Variants in GOLGA4 observed in about 807,000 individuals in gnomAD.
GOLGA4 encodes golgin A4, also known as golgin subfamily A member 4.
GOLGA4 carries 169 observed loss-of-function variants against 265.9 expected under a neutral mutation model. The observed-to-expected ratio is 0.64, with a 90% CI of 0.56 to 0.72. The LOEUF (loss-of-function observed/expected upper bound fraction) is 0.72, where lower values mean the gene tolerates loss of function less well. GOLGA4 is among the 30% of genes least tolerant of loss of function. GOLGA4 has a pLI of 0.00. For missense variants in GOLGA4, 2,482 were observed against 2,483.4 expected, an observed-to-expected ratio of 1.00 and a Z score of 0.01; for synonymous variants, 923 against 855.8, an observed-to-expected ratio of 1.08 and a Z score of -1.37.
chr3:37,286,202 G>A (rs984241590), intron 4 of GOLGA4, 141 bp downstream of exon 4: 3 of 463,968 alleles, frequency 6.5e-6, no homozygotes, highest in South Asian at 6.2e-5. Context: ...GCTGGACTGC[G>A]GACTGCAGTG....
chr3:37,276,773 T>C (rs917366441), intron 2 of GOLGA4, among the ~76,000 whole-genome samples: 1 of 152,244 alleles, frequency 6.6e-6, no homozygotes, highest in African/African-American at 2.4e-5. Flanking sequence ...TTCAGATCAG[T>C]AGGGAGACCA....
chr3:37,276,186 A>G (rs2096817923), intron 2 of GOLGA4: 2 of 1,585,996 alleles, frequency 1.3e-6, no homozygotes, highest in Non-Finnish European at 1.7e-6. Flanking sequence ...GGAGCTGATG[A>G]GGAAGAATTA....
chr3:37,319,285 C>CA, intron 12 of GOLGA4, 91 bp downstream of exon 12: 5 of 1,019,618 alleles, frequency 4.9e-6, no homozygotes, highest in Non-Finnish European at 7.2e-6. Context: ...AGTTGGAAGT[C>CA]AGACTACTGG....
intron 10 of GOLGA4, among the ~76,000 whole-genome samples, chr3:37,311,812 C>T (rs761111568): frequency 1.5e-4 from 23 of 152,046 alleles, no homozygotes; most frequent in African/African-American, 2.7e-4. Context: ...CACTAAAATT[C>T]GACTGTATAT....
rs2096707797 is a variant in GOLGA4 at position 37,243,314 on chromosome 3, C to G, written c.-237C>G. 2 of 560,468 alleles carry G rather than the reference C, an allele frequency of 3.6e-6. No homozygotes were observed. Among genetic ancestry groups the G allele is most frequent in the South Asian group, 2.3e-5 (1 of 44,242 alleles). The allele number at this position is 560,468 out of a possible 1,614,324, so 34.7% of individuals were successfully genotyped here. A position where few individuals can be genotyped will look rare whatever the true frequency, so the allele number is the denominator to read the frequency against. On this transcript the variant is annotated 5_prime_UTR_variant, in exon 1 of 24. Coordinates refer to ENST00000361924, the MANE Select transcript of GOLGA4 (RefSeq NM_002078.5). ...GTCGTCGCCGCCGCGGCTCCCGGGG[C>G]TGGATGGGGGGCCGAGGCCAGCCAG...
At chr3:37,298,740 G>T (rs2096885012) in intron 7 of GOLGA4, 93 bp from the exon 8 acceptor site, 5 of 832,350 alleles carry the variant, frequency 6.0e-6, no homozygotes, top group South Asian at 1.8e-5. Context: ...GAGTCGGTTA[G>T]ATTAGATCTC....
At chr3:37,306,971 T>TA (rs781158614) in intron 10 of GOLGA4, among the ~76,000 whole-genome samples, 1 of 152,180 alleles carries the variant, frequency 6.6e-6, no homozygotes, top group Non-Finnish European at 1.5e-5. Flanking sequence ...TTAAGTGATT[T>TA]AAATATATAT....
At position 37,286,134 on chromosome 3, in the gene GOLGA4, C is replaced by CTTTTTTT. The variant is rs1559383108; in HGVS notation, c.525+76_525+77insTTTTTTT. 54 of 149,196 alleles carry CTTTTTTT rather than the reference C, an allele frequency of 3.6e-4. 7 individuals are homozygous for CTTTTTTT. The highest frequency in any genetic ancestry group is 1.6e-3 in the African/African-American group (40 of 24,316). 9.2% of individuals were successfully genotyped at this position (149,196 alleles called of 1,614,324 possible). A position where few individuals can be genotyped will look rare whatever the true frequency, so the allele number is the denominator to read the frequency against. ...AAAGATCTTATATAGTAAGATATTT[C>CTTTTTTT]TTTCTTTTTTTTTTTTTTTTTTTTT... On this transcript the variant is annotated intron_variant, in intron 4 of 23. Coordinates refer to ENST00000361924, the MANE Select transcript of GOLGA4 (RefSeq NM_002078.5).
chr3:37,308,053 G>GA (rs1231235575), intron 10 of GOLGA4, among the ~76,000 whole-genome samples: 10 of 152,030 alleles, frequency 6.6e-5, no homozygotes, highest in Non-Finnish European at 8.8e-5. Flanking sequence ...GGCCAACATG[G>GA]TAAACCCCAT....
intron 20 of GOLGA4, among the ~76,000 whole-genome samples, chr3:37,343,992 A>G (rs919619722): frequency 2.6e-5 from 4 of 152,214 alleles, no homozygotes; most frequent in African/African-American, 9.6e-5. Flanking sequence ...TCTTGTGCAT[A>G]TATTAATTGG....
Position 37,298,982 on chromosome 3 carries a change from C to T in GOLGA4, c.964C>T (p.Gln322Ter). The T allele has an allele frequency of 6.2e-7, 1 of 1,600,034 alleles. No individual in the cohort carries two copies. Among genetic ancestry groups the T allele is most frequent in the Non-Finnish European group, 8.5e-7 (1 of 1,176,426 alleles). The change falls in exon 8 of 24, where the codon CAA becomes TAA. Residue 322 changes from glutamine (Q) to a stop codon, truncating the protein, a stop_gained. Transcript: ENST00000361924. LOFTEE classifies it high-confidence loss of function. ...LTSEKEALQE[Q>*]LDERLQELEK... ...TAGTGAAAAAGAAGCTCTGCAAGAA[C>T]AACTGGATGAAAGACTTCAAGAACT...
chr3:37,314,905 C>G (rs2096933329), intron 10 of GOLGA4, among the ~76,000 whole-genome samples: 2 of 151,950 alleles, frequency 1.3e-5, no homozygotes, highest in Admixed American at 6.6e-5. Flanking sequence ...AAAAAAGAAA[C>G]AAAAATCTCT....
Position 37,295,075 on chromosome 3 carries a change from C to G in GOLGA4, c.679C>G (p.Gln227Glu). ...KDQYISVLQT[Q>E]VSLLKQRLRN... ...TCAGTATATCAGTGTTCTCCAAACTCAGGTAAAAGAGTAAAAGAAAAAGTG... is the reference window on the plus strand; with the variant it reads ...TCAGTATATCAGTGTTCTCCAAACTGAGGTAAAAGAGTAAAAGAAAAAGTG... The change falls in exon 6 of 24, where the codon CAG (glutamine) becomes GAG (glutamate). Residue 227 changes from glutamine (Q) to glutamate (E), a missense_variant and splice_region_variant. Coordinates refer to ENST00000361924, the MANE Select transcript of GOLGA4 (RefSeq NM_002078.5). 6.6e-7 allele frequency: 1 copy of G among 1,517,862 alleles called. No homozygotes were observed. The highest frequency in any genetic ancestry group is 1.2e-5 in the South Asian group (1 of 80,822). The allele number at this position is 1,517,862 out of a possible 1,614,324, so 94.0% of individuals were successfully genotyped here. A position where few individuals can be genotyped will look rare whatever the true frequency, so the allele number is the denominator to read the frequency against.
At chr3:37,348,828 C>T (rs1464788250) in intron 21 of GOLGA4, among the ~76,000 whole-genome samples, 5 of 152,106 alleles carry the variant, frequency 3.3e-5, no homozygotes, top group East Asian at 1.9e-4. Context: ...GAGATAGCTA[C>T]GGAGCTTAAC....
intron 22 of GOLGA4, 46 bp downstream of exon 22, chr3:37,355,233 G>A: frequency 1.0e-6 from 1 of 961,756 alleles, no homozygotes; most frequent in Non-Finnish European, 1.7e-6. Context: ...TTTCCCATCT[G>A]TTTATATTCT....
At position 37,319,179 on chromosome 3, in the gene GOLGA4, A is replaced by G. The variant is rs1489807924; in HGVS notation, c.1530A>G (p.Gln510=). ...LQTREREFQE[Q]MKVALEKSQS... is the part of the protein sequence containing the mutation. ...CCCGAGAAAGGGAATTTCAGGAACA[A>G]ATGAAAGTAGCTCTTGTAAGTGACT... The change falls in exon 12 of 24, where the codon CAA becomes CAG. Residue 510 remains glutamine, a synonymous_variant. Transcript: ENST00000361924. 6.2e-7 allele frequency: 1 copy of G among 1,609,048 alleles called. No homozygotes were observed. The highest frequency in any genetic ancestry group is 1.7e-5 in the Admixed American group (1 of 59,340).
intron 2 of GOLGA4, among the ~76,000 whole-genome samples, chr3:37,268,023 A>G (rs1313650636): frequency 6.6e-6 from 1 of 152,138 alleles, no homozygotes; most frequent in African/African-American, 2.4e-5. Context: ...TTGTTTTAAA[A>G]ACTGATTTGG....
intron 2 of GOLGA4, among the ~76,000 whole-genome samples, chr3:37,264,626 A>G (rs894171407): frequency 7.9e-5 from 12 of 152,186 alleles, no homozygotes; most frequent in Admixed American, 2.6e-4. Flanking sequence ...AAGCTTTTGC[A>G]GACTTTTTTT....
chr3:37,349,432 C>A (rs2097066775), intron 21 of GOLGA4, among the ~76,000 whole-genome samples: 1 of 151,990 alleles, frequency 6.6e-6, no homozygotes, highest in Non-Finnish European at 1.5e-5. Context: ...GATAGATAAG[C>A]CCAGATGGTG....
Sources: allele counts gnomAD v4.1 joint callset (sites outside exome capture counted in the v4.1 genomes callset), GRCh38; gene constraint gnomAD v4.1.1; transcripts MANE v1.5; gene names NCBI Gene and HGNC (gene_info 2026-07-23, HGNC 2026-07-21).